Variants in PDE4D observed in about 807,000 individuals in gnomAD.
PDE4D encodes phosphodiesterase 4D.
In PDE4D, 24 loss-of-function variants were observed where a neutral mutation model predicts 87.4. The observed-to-expected ratio is 0.27, with a 90% confidence interval of 0.20 to 0.39. The LOEUF is 0.39. Ranked by LOEUF, PDE4D falls within the 10% of genes least tolerant of loss-of-function variation. The pLI is 1.00. For synonymous variants in PDE4D, 384 were observed against 383.2 expected, an observed-to-expected ratio of 1.00 and a Z score of -0.02; for missense variants, 714 against 1,041.0, an observed-to-expected ratio of 0.69 and a Z score of 4.32.
chr5:59,238,932 C>CT (rs752318194), intron 1 of PDE4D, among the ~76,000 whole-genome samples: 5 of 152,150 alleles, frequency 3.3e-5, no homozygotes, highest in Non-Finnish European at 5.9e-5. Flanking sequence ...TATTTATTGC[C>CT]TAGAGACAAC....
At chr5:60,440,971 C>T (rs982472740) in intron 1 of PDE4D, among the ~76,000 whole-genome samples, 2 of 152,044 alleles carry the variant, frequency 1.3e-5, no homozygotes, top group African/African-American at 2.4e-5. Flanking sequence ...ACCATTATCA[C>T]ATAGAAATCA....
intron 1 of PDE4D, among the ~76,000 whole-genome samples, chr5:59,490,378 C>T (rs547317691): frequency 8.5e-5 from 13 of 152,114 alleles, no homozygotes; most frequent in Non-Finnish European, 1.9e-4. Flanking sequence ...ATTGCTCAGT[C>T]AAATGCTTTC....
intron 1 of PDE4D, among the ~76,000 whole-genome samples, chr5:60,512,881 GACTGT>G (rs1258334324): frequency 6.6e-6 from 1 of 152,130 alleles, no homozygotes; most frequent in Non-Finnish European, 1.5e-5. Flanking sequence ...AATAGATATT[GACTGT>G]CTTTGATAAT....
intron 11 of PDE4D, among the ~76,000 whole-genome samples, chr5:58,988,139 T>G (rs1026141748): frequency 6.6e-6 from 1 of 152,156 alleles, no homozygotes; most frequent in African/African-American, 2.4e-5. Flanking sequence ...CTACATAAAG[T>G]GAGGAACACT....
intron 1 of PDE4D, among the ~76,000 whole-genome samples, chr5:59,678,115 C>A (rs1748414852): frequency 6.6e-6 from 1 of 152,026 alleles, no homozygotes; most frequent in South Asian, 2.1e-4. Flanking sequence ...TGATCAAATA[C>A]CTTAAACTCA....
chr5:59,862,023 C>T (rs1212151556), intron 1 of PDE4D, among the ~76,000 whole-genome samples: 4 of 152,150 alleles, frequency 2.6e-5, no homozygotes, highest in African/African-American at 9.7e-5. Flanking sequence ...TCCTCCTGTG[C>T]CAGTGCTATT....
intron 2 of PDE4D, among the ~76,000 whole-genome samples, chr5:60,100,808 G>A (rs1776142610): frequency 6.6e-6 from 1 of 152,088 alleles, no homozygotes; most frequent in African/African-American, 2.4e-5. Context: ...TCAGCTCTTA[G>A]GAAATATGTT....
At chr5:59,900,251 T>G (rs79076183) in intron 3 of PDE4D, among the ~76,000 whole-genome samples, 3 of 127,862 alleles carry the variant, frequency 2.3e-5, no homozygotes, top group Non-Finnish European at 4.7e-5. Flanking sequence ...AAAAAAAATA[T>G]ATATATATAT....
chr5:60,144,956 G>A (rs1780867860), intron 2 of PDE4D, among the ~76,000 whole-genome samples: 1 of 152,186 alleles, frequency 6.6e-6, no homozygotes. Flanking sequence ...GTTTGGACAT[G>A]AGAGAGGTGA....
chr5:59,841,750 T>G (rs1743032472), intron 1 of PDE4D, among the ~76,000 whole-genome samples: 1 of 152,020 alleles, frequency 6.6e-6, no homozygotes. Flanking sequence ...AAATGACATC[T>G]ACTTAGAGTT....
chr5:59,387,333 G>C (rs1015920836), intron 1 of PDE4D, among the ~76,000 whole-genome samples: 2 of 152,016 alleles, frequency 1.3e-5, no homozygotes, highest in South Asian at 2.1e-4. Context: ...AGTACCTGTT[G>C]ATATTAGCAT....
At chr5:59,543,626 T>C (rs549650099) in intron 1 of PDE4D, among the ~76,000 whole-genome samples, 5 of 152,244 alleles carry the variant, frequency 3.3e-5, no homozygotes, top group African/African-American at 1.2e-4. Flanking sequence ...ACCCAGCTGC[T>C]GGGACTTTTC....
intron 3 of PDE4D, among the ~76,000 whole-genome samples, chr5:59,909,708 G>C (rs1164505332): frequency 6.6e-6 from 1 of 152,026 alleles, no homozygotes; most frequent in Non-Finnish European, 1.5e-5. Flanking sequence ...TTAAAGTCAA[G>C]AACCACTGTT....
chr5:59,432,364 A>G (rs1163056273), intron 1 of PDE4D, among the ~76,000 whole-genome samples: 1 of 152,120 alleles, frequency 6.6e-6, no homozygotes, highest in Non-Finnish European at 1.5e-5. Flanking sequence ...GCATAAATGT[A>G]CCATTATTTA....
intron 1 of PDE4D, among the ~76,000 whole-genome samples, chr5:60,410,970 T>C (rs1741996720): frequency 1.3e-5 from 2 of 152,230 alleles, no homozygotes; most frequent in South Asian, 2.1e-4. Flanking sequence ...TACCCCATTT[T>C]ACGTATGAGA....
At chr5:59,622,800 G>A (rs1400575807) in intron 1 of PDE4D, among the ~76,000 whole-genome samples, 2 of 152,272 alleles carry the variant, frequency 1.3e-5, no homozygotes, top group Non-Finnish European at 2.9e-5. Context: ...ACTCAAAGAA[G>A]TACTTTAAAC....
chr5:60,320,280 C>G (rs1352687805), intron 1 of PDE4D, among the ~76,000 whole-genome samples: 1 of 152,242 alleles, frequency 6.6e-6, no homozygotes, highest in South Asian at 2.1e-4. Flanking sequence ...ACCCTCTGAG[C>G]CATGCACGGG....
At chr5:59,998,896 A>G (rs567038390) in intron 2 of PDE4D, among the ~76,000 whole-genome samples, 44 of 152,320 alleles carry the variant, frequency 2.9e-4, no homozygotes, top group African/African-American at 8.4e-4. Flanking sequence ...GAACAATTAT[A>G]TAAGTGTTAG....
chr5:60,161,215 T>C (rs1782450250), intron 2 of PDE4D, among the ~76,000 whole-genome samples: 1 of 152,140 alleles, frequency 6.6e-6, no homozygotes, highest in Non-Finnish European at 1.5e-5. Context: ...CTCTACCTCA[T>C]ACTATTTAAT....
Sources: gnomAD v4.1 joint callset for allele counts (sites outside exome capture counted in the v4.1 genomes callset) on GRCh38, gnomAD v4.1.1 for gene constraint, MANE v1.5 for transcripts, NCBI Gene and HGNC (gene_info 2026-07-23, HGNC 2026-07-21) for gene names.